The following TDRD10 variants were observed in gnomAD, a reference collection of about 807,000 sequenced individuals.
TDRD10 encodes tudor domain-containing protein 10.
In TDRD10, 40 loss-of-function variants were observed where a neutral mutation model predicts 48.0. The ratio of observed to expected loss-of-function variants is 0.83; its 90% CI spans 0.65 to 1.09. TDRD10 has a LOEUF of 1.09. Ranked by LOEUF, TDRD10 falls within the 50% of genes least tolerant of loss-of-function variation. The pLI is 0.00. For synonymous variants in TDRD10, 162 were observed against 170.4 expected (o/e 0.95, Z 0.38); for missense variants, 378 against 434.7 (o/e 0.87, Z 1.16).
chr1:154,511,794 G>T (rs1164558521), intron 4 of TDRD10, among the ~76,000 whole-genome samples: 1 of 152,124 alleles, frequency 6.6e-6, no homozygotes, highest in African/African-American at 2.4e-5. Flanking sequence ...GTTGCAATGA[G>T]CCGAGATTGC....
chr1:154,502,258 C>T lies in TDRD10; in HGVS notation c.-799C>T. 1 of 233,996 alleles carries T rather than the reference C, an allele frequency of 4.3e-6. No homozygotes were observed. Among genetic ancestry groups the T allele is most frequent in the Non-Finnish European group, 8.0e-6 (1 of 124,488 alleles). 14.5% of individuals were successfully genotyped at this position (233,996 alleles called of 1,614,324 possible). A position where few individuals can be genotyped will look rare whatever the true frequency, so the allele number is the denominator to read the frequency against. On this transcript the variant is annotated 5_prime_UTR_variant, in exon 1 of 13. Coordinates refer to ENST00000368482, the MANE Select transcript of TDRD10 (RefSeq NM_182499.4). ...CCCGGCCCGAGGACACCGTGGCTCT[C>T]GGAGGCGGCGGGCGCCGGGGGCTTC...
At chr1:154,532,256 C>A (rs996728353) in intron 6 of TDRD10, among the ~76,000 whole-genome samples, 2 of 152,188 alleles carry the variant, frequency 1.3e-5, no homozygotes, top group African/African-American at 2.4e-5. Context: ...GCAGCTAAGG[C>A]CTGGTGAGAA....
At chr1:154,507,162 C>CCT (rs1439925102) in intron 2 of TDRD10, 79 bp from the exon 3 acceptor site, 12 of 1,552,564 alleles carry the variant, frequency 7.7e-6, no homozygotes, top group Non-Finnish European at 1.0e-5. Context: ...ATGCAAGGCC[C>CCT]CTCTGCTTAT....
At chr1:154,519,875 G>C (rs564001669) in intron 4 of TDRD10, among the ~76,000 whole-genome samples, 73 of 152,084 alleles carry the variant, frequency 4.8e-4, no homozygotes, top group Non-Finnish European at 9.0e-4. Flanking sequence ...GAAATGTTCC[G>C]GGAAGAGGAA....
At chr1:154,532,389 C>T (rs551662665) in intron 6 of TDRD10, among the ~76,000 whole-genome samples, 71 of 152,326 alleles carry the variant, frequency 4.7e-4, no homozygotes, top group African/African-American at 1.6e-3. Context: ...GCAAAGCCCA[C>T]GCCCACCCAG....
intron 6 of TDRD10, among the ~76,000 whole-genome samples, chr1:154,530,300 G>A (rs1458891201): frequency 6.6e-6 from 1 of 151,720 alleles, no homozygotes; most frequent in Non-Finnish European, 1.5e-5. Flanking sequence ...GAGGCATGAA[G>A]TGTCTGGCCT....
chr1:154,514,829 A>G (rs1693664744), intron 4 of TDRD10, among the ~76,000 whole-genome samples: 1 of 150,942 alleles, frequency 6.6e-6, no homozygotes, highest in South Asian at 2.1e-4. Flanking sequence ...CTGGGACCAC[A>G]GGAACACATC....
At position 154,542,714 on chromosome 1, in the gene TDRD10, A is replaced by G; in HGVS notation, c.413-17A>G. On this transcript the variant is annotated splice_polypyrimidine_tract_variant and intron_variant, in intron 7 of 12. Coordinates refer to ENST00000368482, the MANE Select transcript of TDRD10 (RefSeq NM_182499.4). ...GGTAGTTCTGGTGCCTCCAGGACTT[A>G]GTCTTCTGCTTTCTAGCTATTATAC... The G allele has an allele frequency of 6.2e-7, 1 of 1,609,182 alleles. No individual in the cohort carries two copies.
intron 8 of TDRD10, 58 bp from the exon 9 acceptor site, chr1:154,543,905 T>C: frequency 6.2e-7 from 1 of 1,600,704 alleles, no homozygotes; most frequent in East Asian, 2.2e-5. Context: ...GTCCAGTCGT[T>C]CCTTTCCTTG....
At chr1:154,542,897 A>G in intron 8 of TDRD10, 76 bp downstream of exon 8, 1 of 1,254,250 alleles carries the variant, frequency 8.0e-7, no homozygotes, top group African/African-American at 1.5e-5. Flanking sequence ...AGTGGGGACA[A>G]GGATAGTACT....
At chr1:154,532,989 G>C (rs1694723075) in intron 6 of TDRD10, among the ~76,000 whole-genome samples, 1 of 152,228 alleles carries the variant, frequency 6.6e-6, no homozygotes, top group South Asian at 2.1e-4. Context: ...AGTAGGGAGA[G>C]AGAGGGGGGC....
At chr1:154,531,499 A>G (rs891492312) in intron 6 of TDRD10, among the ~76,000 whole-genome samples, 2 of 151,986 alleles carry the variant, frequency 1.3e-5, no homozygotes, top group Non-Finnish European at 2.9e-5. Flanking sequence ...AGACCTTCGC[A>G]GTGAGTGTTA....
chr1:154,530,116 G>A (rs1694530729), intron 6 of TDRD10, among the ~76,000 whole-genome samples: 1 of 151,862 alleles, frequency 6.6e-6, no homozygotes, highest in Admixed American at 6.6e-5. Context: ...CCGGGTTCAA[G>A]TGATTCTCCT....
chr1:154,513,369 C>G (rs1693584740), intron 4 of TDRD10, among the ~76,000 whole-genome samples: 1 of 152,128 alleles, frequency 6.6e-6, no homozygotes, highest in African/African-American at 2.4e-5. Flanking sequence ...ATTTTCAGAG[C>G]AAACAATCCT....
intron 6 of TDRD10, among the ~76,000 whole-genome samples, chr1:154,541,640 A>T (rs1413722055): frequency 1.3e-5 from 2 of 152,090 alleles, no homozygotes; most frequent in Non-Finnish European, 2.9e-5. Context: ...CCAGCCCTGC[A>T]CCAGGTGACC....
At chr1:154,507,207 T>C in intron 2 of TDRD10, 34 bp from the exon 3 acceptor site, 1 of 1,613,576 alleles carries the variant, frequency 6.2e-7, no homozygotes. Context: ...AGTCTGAGCT[T>C]GGGAGGTTCG....
intron 6 of TDRD10, among the ~76,000 whole-genome samples, chr1:154,522,094 C>T (rs1694089574): frequency 6.6e-6 from 1 of 152,162 alleles, no homozygotes; most frequent in African/African-American, 2.4e-5. Flanking sequence ...GCTGCACATA[C>T]GAGGAAATCT....
chr1:154,504,787 G>A (rs6696177), intron 1 of TDRD10, among the ~76,000 whole-genome samples: 119,160 of 152,090 alleles, frequency 0.78, 47,455 homozygotes, highest in East Asian at 0.92. Flanking sequence ...TAAAAACACA[G>A]ATAAAGCCTG....
At chr1:154,538,322 G>A (rs887028128) in intron 6 of TDRD10, among the ~76,000 whole-genome samples, 13 of 151,972 alleles carry the variant, frequency 8.6e-5, no homozygotes, top group Non-Finnish European at 1.8e-4. Flanking sequence ...GCCGAGGTGG[G>A]CGGATCACCT....
Sources: gnomAD v4.1 joint callset for allele counts (sites outside exome capture counted in the v4.1 genomes callset) on GRCh38, gnomAD v4.1.1 for gene constraint, MANE v1.5 for transcripts, NCBI Gene and HGNC (gene_info 2026-07-23, HGNC 2026-07-21) for gene names.